Variants in COL6A2 observed in about 807,000 individuals in gnomAD.
COL6A2 encodes collagen alpha-2(VI) chain.
In COL6A2, 90 loss-of-function variants were observed where a neutral mutation model predicts 124.9. The observed-to-expected ratio is 0.72, with a 90% CI of 0.61 to 0.86. COL6A2 has a LOEUF of 0.86. Among genes scored for constraint, COL6A2 ranks in the 40% least tolerant of loss-of-function variants. The pLI, the probability that COL6A2 is intolerant of heterozygous loss-of-function variation, is 0.00. For missense variants in COL6A2, 1,607 were observed against 1,502.5 expected, an observed-to-expected ratio of 1.07 and a Z score of -1.15; for synonymous variants, 793 against 618.2, an observed-to-expected ratio of 1.28 and a Z score of -4.19.
intron 15 of COL6A2, among the ~76,000 whole-genome samples, chr21:46,120,125 C>CCCCACTGAGGTACCTCTTACCCCCAG (rs1555874061): frequency 1.2e-5 from 1 of 81,370 alleles, no homozygotes; most frequent in African/African-American, 6.2e-5. Flanking sequence ...ACCCCCCGGC[C>CCCCACTGAGGTACCTCTTACCCCCAG]CCCACTGAGG....
Position 46,112,793 on chromosome 21 carries a change from C to A in COL6A2, c.715-11C>A. 6.2e-7 allele frequency: 1 copy of A among 1,613,882 alleles called. No homozygotes were observed. The highest frequency in any genetic ancestry group is 8.5e-7 in the Non-Finnish European group (1 of 1,180,032). On this transcript the variant is annotated splice_polypyrimidine_tract_variant and intron_variant, in intron 3 of 27. Transcript: ENST00000300527. ...GCACACGGCTAACCAGCATGTCTGTCTTTTCTGCAGAAACACGAAGCCTAC... is the reference window on the plus strand; with the variant it reads ...GCACACGGCTAACCAGCATGTCTGTATTTTCTGCAGAAACACGAAGCCTAC...
rs374891728 is a variant in COL6A2 at position 46,127,947 on chromosome 21, C to T, written c.2461+1406C>T. On this transcript the variant is annotated intron_variant, in intron 27 of 27. Transcript: ENST00000300527. ...CGTGCCCGGGATAAACCCACCTGGC[C>T]GTGGTGTGTGGCCCTGTTTATGCAC... Among the ~76,000 whole-genome samples, 7 of 152,360 alleles carry T rather than the reference C, an allele frequency of 4.6e-5. No individual in the cohort carries two copies. In the East Asian group the frequency reaches 5.8e-4, roughly 13 times the overall value.
Position 46,129,173 on chromosome 21 carries a change from C to T in COL6A2, c.2461+2632C>T, listed in dbSNP as rs372843350. The T allele has an allele frequency of 3.7e-6, 6 of 1,612,610 alleles. No individual in the cohort carries two copies. In the African/African-American group the frequency reaches 4.0e-5, roughly 11 times the overall value. On this transcript the variant is annotated intron_variant, in intron 27 of 27. Transcript: ENST00000300527. ...CGACGCCCACCGCAGGCCTTACAGT[C>T]TTCTCTGGACGCTCCCTTGCAGATG...
intron 5 of COL6A2, among the ~76,000 whole-genome samples, chr21:46,114,505 A>G (rs978371030): frequency 2.0e-5 from 3 of 152,176 alleles, no homozygotes; most frequent in Non-Finnish European, 4.4e-5. Context: ...GTCCCTGGAG[A>G]AACTAAAACT....
chr21:46,119,115 A>G lies in COL6A2; in HGVS notation c.1265A>G (p.Glu422Gly), dbSNP rs2078521803. Residue 422 changes from glutamate to glycine, a missense_variant, in exon 14 of 28, where the codon GAG becomes GGG. Physicochemically the swap from Glu to Gly is moderately conservative, Grantham distance 98. This residue lies in a region of COL6A2 where 1,223 missense variants were observed against 1,052.2 expected (regional missense o/e 1.16). Coordinates refer to ENST00000300527, the MANE Select transcript of COL6A2 (RefSeq NM_001849.4). ...GGPGPRGPKG[E>G]PGRRGDPGTK... The stretch of plus-strand genomic sequence containing the variant: ...CCTGGGCCCCGCGGACCCAAAGGCG[A>G]GCCGGTGAGTCCCTCCTGCCCCTGC... 6.2e-7 allele frequency: 1 copy of G among 1,610,338 alleles called. No homozygotes were observed. The highest frequency in any genetic ancestry group is 1.3e-5 in the African/African-American group (1 of 74,962).
intron 27 of COL6A2, among the ~76,000 whole-genome samples, chr21:46,128,737 GGGAAGACAGTTCTGGGTGTAGA>G (rs1329141639): frequency 6.6e-6 from 1 of 152,232 alleles, no homozygotes; most frequent in Non-Finnish European, 1.5e-5. Flanking sequence ...GTCTGCTCAG[GGGAAGACAGTTCTGGGTGTAGA>G]GGACTCACAT....
At position 46,113,989 on chromosome 21, in the gene COL6A2, C is replaced by T; in HGVS notation, c.736-19C>T. 2 of 1,612,648 alleles carry T rather than the reference C, an allele frequency of 1.2e-6. No homozygotes were observed. The highest frequency in any genetic ancestry group is 1.7e-6 in the Non-Finnish European group (2 of 1,178,844). On this transcript the variant is annotated intron_variant, in intron 4 of 27. Coordinates refer to ENST00000300527, the MANE Select transcript of COL6A2 (RefSeq NM_001849.4). ...ATGTCCCACCCATGCAACCTTCTGTCTCTGCTTCCTCGTTTCAGTGCTACA... is the reference window on the plus strand; with the variant it reads ...ATGTCCCACCCATGCAACCTTCTGTTTCTGCTTCCTCGTTTCAGTGCTACA...
At chr21:46,126,883 G>C (rs1601253558) in intron 27 of COL6A2, among the ~76,000 whole-genome samples, 1 of 152,194 alleles carries the variant, frequency 6.6e-6, no homozygotes, top group Non-Finnish European at 1.5e-5. Flanking sequence ...GGCTGGCCGT[G>C]CATGTGCCAC....
In COL6A2 at chr21:46,126,063, C is replaced by T. The variant is rs200709432; in HGVS notation, c.2248C>T (p.Arg750Cys). ...CCTCAACTTGCGGGCGCTGTGCGAC[C>T]GCGACGTCACAGTGACGGCCATCGG... ...DDLNLRALCD[R>C]DVTVTAIGIG... The change falls in exon 26 of 28, where the codon CGC becomes TGC. Residue 750 changes from arginine (R) to cysteine (C), a missense_variant. By Grantham distance (180) the Arg-to-Cys change is radical. Coordinates refer to ENST00000300527, the MANE Select transcript of COL6A2 (RefSeq NM_001849.4). 15 of 1,612,986 alleles carry T rather than the reference C, an allele frequency of 9.3e-6. No homozygotes were observed. Among genetic ancestry groups the T allele is most frequent in the Admixed American group, 1.7e-5 (1 of 60,032 alleles).
At chr21:46,125,070 G>A (rs933378680) in intron 23 of COL6A2, 150 bp downstream of exon 23, 1 of 1,207,090 alleles carries the variant, frequency 8.3e-7, no homozygotes, top group African/African-American at 1.5e-5. Flanking sequence ...AAGCTTGGTT[G>A]GGGAAGGTCA....
intron 4 of COL6A2, chr21:46,113,606 G>T: frequency 3.8e-6 from 1 of 264,638 alleles, no homozygotes; most frequent in Non-Finnish European, 7.4e-6. Flanking sequence ...TTGTTTTTTT[G>T]TAGAGATGGG....
At chr21:46,123,690 T>G (rs1313478794) in intron 21 of COL6A2, among the ~76,000 whole-genome samples, 2 of 68,184 alleles carry the variant, frequency 2.9e-5, no homozygotes, top group East Asian at 5.9e-4. Context: ...GGTGAGTAGG[T>G]GGGTAGGTGG....
rs1375250692 is a variant in COL6A2, at chr21:46,132,656, A to C, written c.*104A>C. Reference sequence around the variant, plus strand: ...GCCAGCACCGCTGCTCACTCGGACGACGCCCTGGGCCTGCACCTCTCCAGC... The same window carrying C: ...GCCAGCACCGCTGCTCACTCGGACGCCGCCCTGGGCCTGCACCTCTCCAGC... On this transcript the variant is annotated 3_prime_UTR_variant, in exon 28 of 28. Coordinates refer to ENST00000300527, the MANE Select transcript of COL6A2 (RefSeq NM_001849.4). 5.0e-6 allele frequency: 6 copies of C among 1,197,498 alleles called. No homozygotes were observed. Among genetic ancestry groups the C allele is most frequent in the African/African-American group, 3.0e-5 (2 of 66,300 alleles). 74.2% of individuals were successfully genotyped at this position (1,197,498 alleles called of 1,614,324 possible).
At chr21:46,109,640 G>A (rs1466138007) in intron 1 of COL6A2, among the ~76,000 whole-genome samples, 1 of 152,216 alleles carries the variant, frequency 6.6e-6, no homozygotes, top group Non-Finnish European at 1.5e-5. Flanking sequence ...CCACAGTTTG[G>A]AGGGGGCCAA....
chr21:46,132,754 C>G lies in COL6A2; in HGVS notation c.*202C>G. Reference sequence around the variant, plus strand: ...CTCCCCAGGCCCTCCGCAGGCTGCCCGGCCTCCCTCCCCCTGCAGCCATCC... The same window carrying G: ...CTCCCCAGGCCCTCCGCAGGCTGCCGGGCCTCCCTCCCCCTGCAGCCATCC... On this transcript the variant is annotated 3_prime_UTR_variant, in exon 28 of 28. Coordinates refer to ENST00000300527, the MANE Select transcript of COL6A2 (RefSeq NM_001849.4). 1.6e-6 allele frequency: 1 copy of G among 606,578 alleles called. No individual in the cohort carries two copies. The highest frequency in any genetic ancestry group is 2.9e-6 in the Non-Finnish European group (1 of 343,828). The allele number at this position is 606,578 out of a possible 1,614,324, so 37.6% of individuals were successfully genotyped here. A position where few individuals can be genotyped will look rare whatever the true frequency, so the allele number is the denominator to read the frequency against.
chr21:46,120,838 TA>T (rs1377901167), intron 16 of COL6A2, among the ~76,000 whole-genome samples: 2 of 151,958 alleles, frequency 1.3e-5, no homozygotes, highest in Non-Finnish European at 1.5e-5. Context: ...CAACCCAAGA[TA>T]GGGGTGCTTA....
rs2078547120 is a variant in COL6A2 at position 46,120,509 on chromosome 21, C to T, written c.1333-6C>T. The T allele has an allele frequency of 2.0e-5, 30 of 1,514,384 alleles. No individual in the cohort carries two copies. Among genetic ancestry groups the T allele is most frequent in the East Asian group, 5.0e-5 (2 of 40,002 alleles). 93.8% of individuals were successfully genotyped at this position (1,514,384 alleles called of 1,614,324 possible). On this transcript the variant is annotated splice_polypyrimidine_tract_variant and splice_region_variant and intron_variant, in intron 15 of 27. Transcript: ENST00000300527. Reference sequence around the variant, plus strand: ...GACCCGTGGGGCCTCCCTTCCCTTCCCACAGGGGGACCCTGGCCCTGAGGG... The same window carrying T: ...GACCCGTGGGGCCTCCCTTCCCTTCTCACAGGGGGACCCTGGCCCTGAGGG...
At chr21:46,130,586 G>A (rs1377396286) in intron 27 of COL6A2, among the ~76,000 whole-genome samples, 5 of 151,908 alleles carry the variant, frequency 3.3e-5, no homozygotes. Flanking sequence ...AACAGCCTCA[G>A]CCTCCCTGTG....
rs1250297123 is a variant in COL6A2, at chr21:46,112,387, T to G, written c.524T>G (p.Leu175Arg). The G allele has an allele frequency of 1.2e-6, 2 of 1,608,024 alleles. No homozygotes were observed. The highest frequency in any genetic ancestry group is 1.7e-6 in the Non-Finnish European group (2 of 1,178,576). The change falls in exon 3 of 28, where the codon CTG becomes CGG. Residue 175 changes from leucine to arginine, a missense_variant. This residue lies in a region of COL6A2 where 342 missense variants were observed against 381.5 expected (regional missense o/e 0.90). Coordinates refer to ENST00000300527, the MANE Select transcript of COL6A2 (RefSeq NM_001849.4). Reference protein sequence around the residue: ...VTGSPCGGIKLQAERAREEGI... With the variant: ...VTGSPCGGIKRQAERAREEGI... ...GGCAGCCCCTGCGGGGGCATCAAGC[T>G]GCAGGCCGAGCGGGCCCGCGAGGAG...
Sources: gnomAD v4.1 joint callset for allele counts (sites outside exome capture counted in the v4.1 genomes callset) on GRCh38, gnomAD v4.1.1 for gene constraint, gnomAD v4.1.1 regional missense constraint, MANE v1.5 for transcripts, NCBI Gene and HGNC (gene_info 2026-07-23, HGNC 2026-07-21) for gene names.